ITGB6: variants seen among roughly 807,000 people sequenced by gnomAD.
The protein encoded by ITGB6 is integrin beta-6.
ITGB6 carries 80 observed loss-of-function variants against 84.5 expected under a neutral mutation model. The ratio of observed to expected loss-of-function variants is 0.95; its 90% CI spans 0.79 to 1.14. ITGB6 has a LOEUF of 1.14. ITGB6 is among the 50% of genes most tolerant of loss of function. ITGB6 has a pLI of 0.00. For missense variants in ITGB6, 1,006 were observed against 968.0 expected (o/e 1.04, Z -0.52); for synonymous variants, 383 against 354.9 (o/e 1.08, Z -0.89).
intron 7 of ITGB6, among the ~76,000 whole-genome samples, chr2:160,167,253 G>A (rs1000322206): frequency 9.9e-5 from 15 of 152,150 alleles, no homozygotes; most frequent in African/African-American, 3.6e-4. Context: ...TTAGTGGACC[G>A]TTTTCAGTTT....
chr2:160,153,218 T>A (rs556738506), intron 7 of ITGB6, among the ~76,000 whole-genome samples: 2 of 152,328 alleles, frequency 1.3e-5, no homozygotes, highest in African/African-American at 4.8e-5. Flanking sequence ...CAAAGCAGCA[T>A]GGTACTGGTA....
At chr2:160,198,471 G>T (rs1686429338) in intron 2 of ITGB6, among the ~76,000 whole-genome samples, 1 of 152,182 alleles carries the variant, frequency 6.6e-6, no homozygotes, top group African/African-American at 2.4e-5. Flanking sequence ...AGTGCATAGA[G>T]ACTTGTTTTA....
intron 4 of ITGB6, among the ~76,000 whole-genome samples, chr2:160,181,426 C>T (rs901165232): frequency 6.6e-6 from 1 of 152,238 alleles, no homozygotes; most frequent in Non-Finnish European, 1.5e-5. Context: ...TGTAGCCAGA[C>T]TGCCTCTCTA....
Position 160,137,731 on chromosome 2 carries a change from C to A in ITGB6, c.1363G>T (p.Asp455Tyr), listed in dbSNP as rs201552904. The change falls in exon 10 of 15, where the codon GAC becomes TAC. Residue 455 changes from aspartate to tyrosine, a missense_variant. Coordinates refer to ENST00000283249, the MANE Select transcript of ITGB6 (RefSeq NM_000888.5). Reference protein sequence around the residue: ...ELLVSPECNCDCQKEVEVNSS... With the variant: ...ELLVSPECNCYCQKEVEVNSS... Reference sequence around the variant, plus strand: ...TTCACTTCCACTTCTTTCTGACAGTCGCAGTTGCATTCTGGGCTGACAAGT... The same window carrying A: ...TTCACTTCCACTTCTTTCTGACAGTAGCAGTTGCATTCTGGGCTGACAAGT... 6.2e-7 allele frequency: 1 copy of A among 1,614,178 alleles called. No individual in the cohort carries two copies. Among genetic ancestry groups the A allele is most frequent in the South Asian group, 1.1e-5 (1 of 91,068 alleles).
chr2:160,124,237 C>A (rs1353609902), intron 11 of ITGB6, among the ~76,000 whole-genome samples: 1 of 152,156 alleles, frequency 6.6e-6, no homozygotes, highest in Non-Finnish European at 1.5e-5. Flanking sequence ...AGCGTATGTT[C>A]CTAAAATATG....
chr2:160,112,825 A>G (rs992883822), intron 12 of ITGB6, among the ~76,000 whole-genome samples: 1 of 152,072 alleles, frequency 6.6e-6, no homozygotes, highest in Non-Finnish European at 1.5e-5. Context: ...AGTTTACCTT[A>G]AATCTTTTCC....
At chr2:160,180,182 G>T (rs1417852333) in intron 4 of ITGB6, among the ~76,000 whole-genome samples, 1 of 149,144 alleles carries the variant, frequency 6.7e-6, no homozygotes, top group Non-Finnish European at 1.5e-5. Context: ...AACAGCAAAA[G>T]AAATTCTTTT....
At chr2:160,103,417 A>G (rs536597592) in intron 14 of ITGB6, among the ~76,000 whole-genome samples, 11 of 152,278 alleles carry the variant, frequency 7.2e-5, no homozygotes, top group African/African-American at 2.6e-4. Context: ...TGCTATTTCT[A>G]TAATAAAGCC....
At chr2:160,199,850 T>G (rs1392906794) in intron 1 of ITGB6, among the ~76,000 whole-genome samples, 153 bp downstream of exon 1, 1 of 152,240 alleles carries the variant, frequency 6.6e-6, no homozygotes, top group Non-Finnish European at 1.5e-5. Flanking sequence ...AACTGCCCGG[T>G]GTTTGTCTGT....
intron 7 of ITGB6, among the ~76,000 whole-genome samples, chr2:160,160,959 T>C (rs1405311947): frequency 6.6e-6 from 1 of 152,222 alleles, no homozygotes; most frequent in Non-Finnish European, 1.5e-5. Flanking sequence ...AGAGGAGTTT[T>C]GTTCACAGAT....
At chr2:160,194,933 AATT>A (rs1313867255) in intron 4 of ITGB6, among the ~76,000 whole-genome samples, 1 of 151,932 alleles carries the variant, frequency 6.6e-6, no homozygotes, top group Non-Finnish European at 1.5e-5. Context: ...AAGTTGCAAA[AATT>A]ATTATTTTGC....
chr2:160,194,773 T>C (rs1016824160), intron 4 of ITGB6, among the ~76,000 whole-genome samples: 40 of 152,148 alleles, frequency 2.6e-4, no homozygotes, highest in Non-Finnish European at 5.9e-5. Context: ...ATCACCTGCA[T>C]AATGTGTGGT....
chr2:160,105,270 G>A (rs1399427820), intron 14 of ITGB6, among the ~76,000 whole-genome samples: 1 of 151,926 alleles, frequency 6.6e-6, no homozygotes, highest in African/African-American at 2.4e-5. Context: ...TGCATGTTCG[G>A]GTCGCATGTT....
chr2:160,133,420 A>T (rs189701387), intron 10 of ITGB6, among the ~76,000 whole-genome samples: 1 of 152,312 alleles, frequency 6.6e-6, no homozygotes, highest in Admixed American at 6.5e-5. Flanking sequence ...AAGTCCTTAG[A>T]GACCTACAAA....
intron 4 of ITGB6, among the ~76,000 whole-genome samples, chr2:160,179,548 T>A (rs762003186): frequency 7.3e-6 from 1 of 137,048 alleles, no homozygotes; most frequent in Non-Finnish European, 1.6e-5. Context: ...GTCCAGCTAA[T>A]TTTTTTTTTT....
chr2:160,146,561 TATG>T (rs1476215413), intron 7 of ITGB6, among the ~76,000 whole-genome samples: 1 of 152,238 alleles, frequency 6.6e-6, no homozygotes. Flanking sequence ...ACTGAGAATA[TATG>T]ATGTCATATA....
intron 7 of ITGB6, among the ~76,000 whole-genome samples, chr2:160,143,913 T>C (rs1275030800): frequency 6.6e-6 from 1 of 152,196 alleles, no homozygotes; most frequent in Non-Finnish European, 1.5e-5. Flanking sequence ...GTCCAAGCTT[T>C]CTACACCTGT....
intron 7 of ITGB6, among the ~76,000 whole-genome samples, chr2:160,144,131 A>G (rs796999555): frequency 6.6e-6 from 1 of 152,152 alleles, no homozygotes; most frequent in Non-Finnish European, 1.5e-5. Context: ...TCAAACTCCT[A>G]GGCTGAAGCA....
chr2:160,166,135 G>T (rs531915118), intron 7 of ITGB6, among the ~76,000 whole-genome samples: 1 of 152,236 alleles, frequency 6.6e-6, no homozygotes, highest in African/African-American at 2.4e-5. Context: ...AGGTCCCTTT[G>T]GCTGCATAAA....
Sources: gnomAD v4.1 joint callset for allele counts (sites outside exome capture counted in the v4.1 genomes callset) on GRCh38, gnomAD v4.1.1 for gene constraint, MANE v1.5 for transcripts, NCBI Gene and HGNC (gene_info 2026-07-23, HGNC 2026-07-21) for gene names.